DNAH11: variants seen among roughly 807,000 people sequenced by gnomAD.
DNAH11 encodes the protein axonemal beta dynein heavy chain 11.
In DNAH11, 442 loss-of-function variants were observed where a neutral mutation model predicts 526.0. That is an observed-to-expected ratio of 0.84 (90% confidence interval 0.78 to 0.91). DNAH11 has a LOEUF of 0.91. Among genes scored for constraint, DNAH11 ranks in the 40% least tolerant of loss-of-function variants. The pLI is 0.00. For synonymous variants in DNAH11, 2,461 were observed against 1,935.9 expected (o/e 1.27, Z -7.12); for missense variants, 6,989 against 5,448.7 (o/e 1.28, Z -8.90).
At chr7:21,796,842 A>G (rs16872979) in intron 61 of DNAH11, among the ~76,000 whole-genome samples, 1,563 of 152,322 alleles carry the variant, frequency 0.01, 19 homozygotes, top group African/African-American at 0.035. Flanking sequence ...CATGTCAAAT[A>G]CTTAGAATAG....
chr7:21,687,394 A>G lies in DNAH11; in HGVS notation c.5791A>G (p.Ile1931Val), dbSNP rs765281163. The change falls in exon 34 of 82, where the codon ATC (isoleucine) becomes GTC (valine). Residue 1931 changes from isoleucine to valine, a missense_variant. Transcript: ENST00000409508. ...CTTTATCATTTAGTCCATAGGCAAT[A>G]TCTATAAGGGATTGGTGCAGACAGG... ...EQMDYKSIGN[I>V]YKGLVQTGAW... 17 of 1,613,030 alleles carry G rather than the reference A, an allele frequency of 1.1e-5. No individual in the cohort carries two copies. The highest frequency in any genetic ancestry group is 1.4e-5 in the Non-Finnish European group (17 of 1,179,496).
chr7:21,705,677 A>G lies in DNAH11; in HGVS notation c.6546+140A>G, dbSNP rs561409359. The G allele has an allele frequency of 8.3e-5, 62 of 749,404 alleles. No individual in the cohort carries two copies. The African/African-American group carries it at 8.9e-4, about 11-fold the overall frequency. The allele number at this position is 749,404 out of a possible 1,614,324, so 46.4% of individuals were successfully genotyped here. Reference sequence around the variant, plus strand: ...TTTTGGGTCAGAATCTGAGACTGGAATCTTGCTGCTTGATCAATTGACATT... The same window carrying G: ...TTTTGGGTCAGAATCTGAGACTGGAGTCTTGCTGCTTGATCAATTGACATT... On this transcript the variant is annotated intron_variant, in intron 39 of 81. Transcript: ENST00000409508.
intron 2 of DNAH11, among the ~76,000 whole-genome samples, chr7:21,546,744 A>G (rs981934000): frequency 6.6e-6 from 1 of 152,208 alleles, no homozygotes; most frequent in African/African-American, 2.4e-5. Context: ...AATAATTGTG[A>G]ATGCTTACCA....
intron 66 of DNAH11, among the ~76,000 whole-genome samples, chr7:21,844,452 G>A (rs1045592949): frequency 6.6e-5 from 10 of 151,844 alleles, no homozygotes; most frequent in African/African-American, 1.9e-4. Context: ...AACAAAAAAC[G>A]GACTTGTTCA....
chr7:21,661,898 C>A (rs1475342969), intron 30 of DNAH11, among the ~76,000 whole-genome samples: 1 of 152,046 alleles, frequency 6.6e-6, no homozygotes, highest in African/African-American at 2.4e-5. Flanking sequence ...CAGCTCACTG[C>A]AACCTCTACC....
At chr7:21,628,173 C>A (rs1348754131) in intron 25 of DNAH11, among the ~76,000 whole-genome samples, 2 of 151,780 alleles carry the variant, frequency 1.3e-5, no homozygotes, top group Non-Finnish European at 2.9e-5. Context: ...TTTATCAGTT[C>A]TAACAGTTTT....
chr7:21,745,595 A>G (rs1786110269), intron 51 of DNAH11, among the ~76,000 whole-genome samples: 1 of 152,206 alleles, frequency 6.6e-6, no homozygotes, highest in South Asian at 2.1e-4. Flanking sequence ...CTCCTATGGG[A>G]CATTGTTCTA....
At chr7:21,767,379 C>T (rs1399092251) in intron 55 of DNAH11, among the ~76,000 whole-genome samples, 1 of 152,122 alleles carries the variant, frequency 6.6e-6, no homozygotes, top group African/African-American at 2.4e-5. Context: ...CCCTTTGCTA[C>T]TCTGTGCAGG....
chr7:21,791,219 C>T (rs1788467113), intron 61 of DNAH11, among the ~76,000 whole-genome samples: 1 of 152,232 alleles, frequency 6.6e-6, no homozygotes, highest in Non-Finnish European at 1.5e-5. Context: ...AGTTTCTCAT[C>T]TGTCAAGTAG....
intron 20 of DNAH11, among the ~76,000 whole-genome samples, chr7:21,613,520 AATG>A (rs57185666): frequency 1.6e-4 from 17 of 106,036 alleles, no homozygotes; most frequent in African/African-American, 6.3e-4. Flanking sequence ...AACTTGTAAA[AATG>A]AAAGCAGGAT....
chr7:21,606,592 T>C (rs748389697), intron 19 of DNAH11, 50 bp downstream of exon 19: 1 of 1,556,584 alleles, frequency 6.4e-7, no homozygotes, highest in Admixed American at 2.0e-5. Context: ...ACTAGGATAA[T>C]TGAAGTATTT....
intron 61 of DNAH11, among the ~76,000 whole-genome samples, chr7:21,795,823 T>C (rs1351618818): frequency 6.6e-6 from 1 of 152,014 alleles, no homozygotes; most frequent in Non-Finnish European, 1.5e-5. Flanking sequence ...AAGAATGGAG[T>C]TGGTCAGTTC....
chr7:21,775,309 C>A (rs6954950), intron 56 of DNAH11, among the ~76,000 whole-genome samples: 1 of 151,856 alleles, frequency 6.6e-6, no homozygotes, highest in Admixed American at 6.6e-5. Context: ...GCACCTTCTC[C>A]TTTCCTCTCA....
chr7:21,606,212 A>G (rs1314531500), intron 18 of DNAH11, among the ~76,000 whole-genome samples: 1 of 152,092 alleles, frequency 6.6e-6, no homozygotes, highest in Non-Finnish European at 1.5e-5. Flanking sequence ...AGTTCCAGCT[A>G]CTGGGGAGAC....
intron 28 of DNAH11, among the ~76,000 whole-genome samples, chr7:21,642,301 G>T (rs1172268954): frequency 1.3e-5 from 2 of 152,148 alleles, no homozygotes; most frequent in African/African-American, 4.8e-5. Context: ...AACCATCCAA[G>T]AGTGACTTGT....
rs141873664 is a variant in DNAH11 at position 21,740,107 on chromosome 7, G to T, written c.7914+434G>T. Among the ~76,000 whole-genome samples the T allele has an allele frequency of 5.2e-3, 786 of 152,186 alleles. 6 individuals are homozygous for T. The highest frequency in any genetic ancestry group is 8.6e-3 in the Non-Finnish European group (586 of 68,008). The stretch of plus-strand genomic sequence containing the variant: ...TATCAGCTGTTAACAGTATCATATA[G>T]AATAGTGTCACTGCCCCAAAATCTC... On this transcript the variant is annotated intron_variant, in intron 48 of 81. Coordinates refer to ENST00000409508, the MANE Select transcript of DNAH11 (RefSeq NM_001277115.2).
Position 21,615,041 on chromosome 7 carries a change from A to T in DNAH11, c.3853-73A>T, listed in dbSNP as rs1423508846. On this transcript the variant is annotated intron_variant, in intron 20 of 81. Coordinates refer to ENST00000409508, the MANE Select transcript of DNAH11 (RefSeq NM_001277115.2). Reference sequence around the variant, plus strand: ...AATCAAAGATTGAAATGTCGAGATAACCAGAGCTACAGAACTGCATGTCTT... The same window carrying T: ...AATCAAAGATTGAAATGTCGAGATATCCAGAGCTACAGAACTGCATGTCTT... 3.5e-5 allele frequency: 50 copies of T among 1,419,744 alleles called. No homozygotes were observed. The South Asian group carries it at 6.3e-4, about 18-fold the overall frequency. The allele number at this position is 1,419,744 out of a possible 1,614,324, so 87.9% of individuals were successfully genotyped here.
chr7:21,897,740 C>T (rs1784573850), intron 79 of DNAH11, among the ~76,000 whole-genome samples: 1 of 152,194 alleles, frequency 6.6e-6, no homozygotes, highest in Non-Finnish European at 1.5e-5. Flanking sequence ...CTTCAGCCTC[C>T]CTAGTAGCTG....
intron 30 of DNAH11, among the ~76,000 whole-genome samples, chr7:21,668,885 C>T (rs557285716): frequency 3.3e-5 from 5 of 152,094 alleles, no homozygotes; most frequent in Admixed American, 6.6e-5. Flanking sequence ...AGAAAGTGTA[C>T]GTTTAACCAT....
Sources: gnomAD v4.1 joint callset for allele counts (sites outside exome capture counted in the v4.1 genomes callset) on GRCh38, gnomAD v4.1.1 for gene constraint, MANE v1.5 for transcripts, NCBI Gene and HGNC (gene_info 2026-07-23, HGNC 2026-07-21) for gene names.